HMGB1: variants seen among roughly 807,000 people sequenced by gnomAD.
The protein encoded by HMGB1 is high mobility group protein B1.
For missense variants in HMGB1, 79 were observed against 253.5 expected, an observed-to-expected ratio of 0.31 and a Z score of 4.67; for synonymous variants, 81 against 84.0, an observed-to-expected ratio of 0.96 and a Z score of 0.19.
intron 1 of HMGB1, among the ~76,000 whole-genome samples, chr13:30,523,530 T>TC (rs1281552579): frequency 5.3e-5 from 8 of 151,778 alleles, no homozygotes; most frequent in Non-Finnish European, 1.2e-4. Context: ...GCCAAGTTTT[T>TC]TTTTTCAGGA....
intron 1 of HMGB1, among the ~76,000 whole-genome samples, chr13:30,477,013 G>A (rs1339890481): frequency 6.6e-6 from 1 of 152,098 alleles, no homozygotes; most frequent in Non-Finnish European, 1.5e-5. Context: ...CAACAATATT[G>A]ACCCAGTTCT....
chr13:30,598,124 T>C (rs1296252925), intron 1 of HMGB1, among the ~76,000 whole-genome samples: 1 of 152,244 alleles, frequency 6.6e-6, no homozygotes, highest in East Asian at 1.9e-4. Context: ...ATCAATGACA[T>C]ACTCTCAGAA....
At chr13:30,508,193 C>T (rs564972257) in intron 1 of HMGB1, among the ~76,000 whole-genome samples, 2 of 152,178 alleles carry the variant, frequency 1.3e-5, no homozygotes, top group Admixed American at 1.3e-4. Flanking sequence ...CTAAGAAAGT[C>T]GTGTTTATAC....
chr13:30,496,826 A>G (rs1245235841), intron 1 of HMGB1, among the ~76,000 whole-genome samples: 2 of 151,974 alleles, frequency 1.3e-5, no homozygotes, highest in Admixed American at 6.6e-5. Flanking sequence ...GCTGGTGGCT[A>G]TTTACTCTTC....
intron 4 of HMGB1, chr13:30,461,832 G>A (rs1255915729): frequency 3.9e-6 from 2 of 516,180 alleles, no homozygotes; most frequent in South Asian, 2.1e-5. Flanking sequence ...AGAATGTAGA[G>A]ACTTTGATTA....
intron 1 of HMGB1, among the ~76,000 whole-genome samples, chr13:30,603,789 T>C (rs897587487): frequency 6.6e-6 from 1 of 152,200 alleles, no homozygotes; most frequent in Non-Finnish European, 1.5e-5. Context: ...TTAAATCATC[T>C]CTAGTTTATA....
chr13:30,570,381 T>C (rs1272441013), intron 1 of HMGB1, among the ~76,000 whole-genome samples: 5 of 152,274 alleles, frequency 3.3e-5, no homozygotes, highest in South Asian at 4.1e-4. Flanking sequence ...TGAAAACTTT[T>C]AGGTATTGCA....
intron 1 of HMGB1, among the ~76,000 whole-genome samples, chr13:30,564,309 G>A (rs932505556): frequency 9.1e-4 from 137 of 150,344 alleles, no homozygotes; most frequent in African/African-American, 2.7e-3. Context: ...AAATTTAGCT[G>A]GGTTTTGGTG....
At chr13:30,553,897 T>C (rs1471359067) in intron 1 of HMGB1, 22 of 1,369,706 alleles carry the variant, frequency 1.6e-5, no homozygotes, top group Admixed American at 3.4e-5. Flanking sequence ...TTAGTTGACA[T>C]AGAAGAGGCA....
At position 30,605,746 on chromosome 13, in the gene HMGB1, AT is replaced by A. The variant is rs376961142; in HGVS notation, c.-15+10924del. 7.5e-3 allele frequency among the ~76,000 whole-genome samples: 1,141 copies of A among 151,826 alleles called. 10 individuals are homozygous for A. The highest frequency in any genetic ancestry group is 0.025 in the African/African-American group (1,048 of 41,376). Reference sequence around the variant, plus strand: ...TGAAGAAACATGGTTCCAGAGAGGGATTTTTTTTTCTCTCATTTTACATATG... The same window carrying A: ...TGAAGAAACATGGTTCCAGAGAGGGATTTTTTTTCTCTCATTTTACATATG... On this transcript the variant is annotated intron_variant, in intron 1 of 4. Coordinates refer to the HMGB1 transcript ENST00000405805.
In HMGB1 at chr13:30,544,633, C is replaced by T. The variant is rs866622813; in HGVS notation, c.-15+72038G>A. Among the ~76,000 whole-genome samples the T allele has an allele frequency of 5.9e-5, 9 of 152,322 alleles. No individual in the cohort carries two copies. In the South Asian group the frequency reaches 1.9e-3, roughly 32 times the overall value. ...AAGGGCATGGAAGCTCTGCACCCTT[C>T]CCCCACACCTGGCCCTATGCATCTT... On this transcript the variant is annotated intron_variant, in intron 1 of 4. Transcript: ENST00000405805.
At chr13:30,480,145 T>C (rs1887193515) in intron 1 of HMGB1, among the ~76,000 whole-genome samples, 1 of 152,228 alleles carries the variant, frequency 6.6e-6, no homozygotes, top group Non-Finnish European at 1.5e-5. Context: ...CTTTCGGAAG[T>C]TAAAGCATGT....
intron 1 of HMGB1, among the ~76,000 whole-genome samples, chr13:30,555,845 G>A (rs543916230): frequency 2.1e-4 from 32 of 152,180 alleles, no homozygotes; most frequent in African/African-American, 6.7e-4. Flanking sequence ...ACTGCTACTC[G>A]TAACCATAGT....
intron 1 of HMGB1, chr13:30,464,666 G>T: frequency 4.1e-6 from 4 of 982,210 alleles, no homozygotes; most frequent in Middle Eastern, 5.2e-4. Context: ...GCGGCCGCCG[G>T]GGCCGGCGCG....
chr13:30,594,193 T>G (rs1195611407), intron 1 of HMGB1, among the ~76,000 whole-genome samples: 1 of 152,252 alleles, frequency 6.6e-6, no homozygotes, highest in Non-Finnish European at 1.5e-5. Flanking sequence ...GATGAAATCT[T>G]TATTTTTAAA....
chr13:30,524,144 C>G (rs1888301855), intron 1 of HMGB1, among the ~76,000 whole-genome samples: 1 of 151,668 alleles, frequency 6.6e-6, no homozygotes, highest in Admixed American at 6.6e-5. Flanking sequence ...ACAATGAGAA[C>G]ACATGGACAC....
intron 1 of HMGB1, among the ~76,000 whole-genome samples, chr13:30,589,881 A>C (rs1374906877): frequency 1.3e-5 from 2 of 152,078 alleles, no homozygotes; most frequent in Non-Finnish European, 2.9e-5. Context: ...AAAAAAAAAA[A>C]AGGAAGACTC....
chr13:30,503,560 T>G (rs1476768178), intron 1 of HMGB1, among the ~76,000 whole-genome samples: 1 of 151,982 alleles, frequency 6.6e-6, no homozygotes, highest in South Asian at 2.1e-4. Context: ...ACATTTCTGT[T>G]GCCAGCCTAC....
At chr13:30,566,946 GT>G (rs1047376812) in intron 1 of HMGB1, among the ~76,000 whole-genome samples, 1 of 152,200 alleles carries the variant, frequency 6.6e-6, no homozygotes, top group African/African-American at 2.4e-5. Flanking sequence ...GGATATCTTG[GT>G]TTAGAGATTT....
Sources: gnomAD v4.1 joint callset for allele counts (sites outside exome capture counted in the v4.1 genomes callset) on GRCh38, gnomAD v4.1.1 for gene constraint, MANE v1.5 for transcripts, NCBI Gene and HGNC (gene_info 2026-07-23, HGNC 2026-07-21) for gene names.